CHD2: variants seen among roughly 807,000 people sequenced by gnomAD.
CHD2 encodes the protein chromodomain helicase DNA binding protein 2, also known as ATP-dependent chromatin remodeler CHD2.
A neutral mutation model predicts 243.9 loss-of-function variants in CHD2; 28 were observed. That is an observed-to-expected ratio of 0.11 (90% confidence interval 0.09 to 0.16). The LOEUF (loss-of-function observed/expected upper bound fraction) is 0.16, where lower values mean the gene tolerates loss of function less well. Among genes scored for constraint, CHD2 ranks in the 10% least tolerant of loss-of-function variants. The pLI, the probability that CHD2 is intolerant of heterozygous loss-of-function variation, is 1.00. For synonymous variants in CHD2, 775 were observed against 779.0 expected, an observed-to-expected ratio of 0.99 and a Z score of 0.09; for missense variants, 1,386 against 2,209.8, an observed-to-expected ratio of 0.63 and a Z score of 7.47.
Position 92,969,878 on chromosome 15 carries a change from C to A in CHD2, c.2190-1887C>A, listed in dbSNP as rs1326367685. ...CCAGGCTGGAGTGTAGTGGCACGAT[C>A]TCAGCTTACTGCAACAGGATTTTCT... On this transcript the variant is annotated intron_variant, in intron 17 of 38. Transcript: ENST00000394196. Among the ~76,000 whole-genome samples, 13 of 147,004 alleles carry A rather than the reference C, an allele frequency of 8.8e-5. No individual in the cohort carries two copies. The Admixed American group carries it at 8.9e-4, about 10-fold the overall frequency.
At chr15:92,928,233 C>G (rs77547235) in intron 4 of CHD2, among the ~76,000 whole-genome samples, 9,933 of 152,218 alleles carry the variant, frequency 0.065, 447 homozygotes, top group South Asian at 0.12. Context: ...AGCTGTTTTG[C>G]CTTTGCTTTT....
At position 92,900,670 on chromosome 15, in the gene CHD2, G is replaced by C. The variant is rs2052516238; in HGVS notation, c.-226G>C. 2.5e-6 allele frequency: 1 copy of C among 394,054 alleles called. No individual in the cohort carries two copies. The highest frequency in any genetic ancestry group is 4.5e-6 in the Non-Finnish European group (1 of 223,634). 24.4% of individuals were successfully genotyped at this position (394,054 alleles called of 1,614,324 possible). On this transcript the variant is annotated 5_prime_UTR_variant, in exon 1 of 39. Coordinates refer to ENST00000394196, the MANE Select transcript of CHD2 (RefSeq NM_001271.4). Reference sequence around the variant, plus strand: ...CGGACCTGTTTTAGTATTAATTATTGCTTTATTTTTTTGACCAGTTAACAT... The same window carrying C: ...CGGACCTGTTTTAGTATTAATTATTCCTTTATTTTTTTGACCAGTTAACAT...
intron 17 of CHD2, among the ~76,000 whole-genome samples, chr15:92,968,031 G>A (rs754653853): frequency 5.3e-5 from 8 of 151,888 alleles, no homozygotes; most frequent in Admixed American, 1.3e-4. Context: ...TGGGATCAAC[G>A]TAAGCTCCAT....
At chr15:92,972,943 G>A (rs1052232757) in intron 19 of CHD2, among the ~76,000 whole-genome samples, 4 of 152,030 alleles carry the variant, frequency 2.6e-5, no homozygotes, top group African/African-American at 9.7e-5. Context: ...ATGAGGAGAC[G>A]ATTCTTTTTT....
At position 92,939,595 on chromosome 15, in the gene CHD2, G is replaced by T. The variant is rs776934265; in HGVS notation, c.569G>T (p.Arg190Leu). Residue 190 changes from arginine to leucine, a missense_variant, in exon 7 of 39, where the codon CGT (arginine) becomes CTT (leucine). Coordinates refer to ENST00000394196, the MANE Select transcript of CHD2 (RefSeq NM_001271.4). ...PVPRRTVPKPRVKKQPKTQRG... is the reference protein window; with the variant it reads ...PVPRRTVPKPLVKKQPKTQRG... ...CATTTTAGAACAGTGCCCAAACCTC[G>T]TGTTAAAAAGCAGCCGAAGACTCAG... The T allele has an allele frequency of 6.2e-7, 1 of 1,613,798 alleles. No individual in the cohort carries two copies. Among genetic ancestry groups the T allele is most frequent in the Admixed American group, 1.7e-5 (1 of 59,922 alleles).
intron 5 of CHD2, among the ~76,000 whole-genome samples, chr15:92,931,439 G>GT (rs1271026862): frequency 6.6e-6 from 1 of 152,126 alleles, no homozygotes; most frequent in African/African-American, 2.4e-5. Flanking sequence ...GAGTGCAGTG[G>GT]TGCAACCTTG....
chr15:93,009,054 G>T, intron 34 of CHD2, 91 bp from the exon 35 acceptor site: 1 of 1,361,318 alleles, frequency 7.3e-7, no homozygotes, highest in South Asian at 1.4e-5. Flanking sequence ...GCATAGGGGT[G>T]GGCTGTGTTT....
chr15:92,989,532 C>G (rs977792223), intron 26 of CHD2, among the ~76,000 whole-genome samples: 4 of 152,168 alleles, frequency 2.6e-5, no homozygotes, highest in African/African-American at 9.7e-5. Context: ...TGATCCTTGT[C>G]ATGCTATGTG....
chr15:92,944,548 T>C, intron 10 of CHD2, 33 bp downstream of exon 10: 1 of 1,161,082 alleles, frequency 8.6e-7, no homozygotes, highest in Non-Finnish European at 1.2e-6. Flanking sequence ...CAGCCATATT[T>C]GAACTTGAGG....
intron 36 of CHD2, among the ~76,000 whole-genome samples, chr15:93,014,306 G>T (rs1263804509): frequency 6.6e-6 from 1 of 152,174 alleles, no homozygotes; most frequent in African/African-American, 2.4e-5. Flanking sequence ...ATAGGAGTTA[G>T]TTCCCACTGG....
At chr15:92,929,394 T>G (rs1390750867) in intron 5 of CHD2, among the ~76,000 whole-genome samples, 1 of 152,158 alleles carries the variant, frequency 6.6e-6, no homozygotes, top group East Asian at 1.9e-4. Context: ...CAGAAAAATA[T>G]GTATAAATAA....
rs951697000 is a variant in CHD2, at chr15:93,005,899, A to G, written c.4413+1148A>G. Among the ~76,000 whole-genome samples, 12 of 152,266 alleles carry G rather than the reference A, an allele frequency of 7.9e-5. No homozygotes were observed. In the South Asian group the frequency reaches 1.9e-3, roughly 24 times the overall value. ...AAGAGAAAATGATATCTAATGTTCT[A>G]TGGTACCATGATATTTAAAAAATGC... On this transcript the variant is annotated intron_variant, in intron 34 of 38. Transcript: ENST00000394196.
Position 92,998,400 on chromosome 15 carries a change from G to T in CHD2, c.3886-99G>T. The T allele has an allele frequency of 6.6e-7, 1 of 1,525,948 alleles. No individual in the cohort carries two copies. The highest frequency in any genetic ancestry group is 8.9e-7 in the Non-Finnish European group (1 of 1,127,460). The allele number at this position is 1,525,948 out of a possible 1,614,324, so 94.5% of individuals were successfully genotyped here. On this transcript the variant is annotated intron_variant, in intron 30 of 38. Transcript: ENST00000394196. The surrounding 1 kb of genome is among the most constrained non-coding windows in gnomAD (Gnocchi z 5.1). ...TATCTATATTTTGGGTGGTTGGGGAGGGAAAGGACTGTGCTCAGTTTTTGT... is the reference window on the plus strand; with the variant it reads ...TATCTATATTTTGGGTGGTTGGGGATGGAAAGGACTGTGCTCAGTTTTTGT...
intron 5 of CHD2, among the ~76,000 whole-genome samples, chr15:92,934,043 C>T (rs1395446455): frequency 1.3e-5 from 2 of 152,116 alleles, no homozygotes; most frequent in African/African-American, 4.8e-5. Flanking sequence ...CTACTGAAGA[C>T]TGAGGAAACA....
intron 16 of CHD2, among the ~76,000 whole-genome samples, chr15:92,960,471 T>C (rs896247792): frequency 6.6e-6 from 1 of 152,188 alleles, no homozygotes; most frequent in East Asian, 1.9e-4. Flanking sequence ...TGTGAGGTTT[T>C]AATAAAGAAT....
intron 19 of CHD2, among the ~76,000 whole-genome samples, chr15:92,974,324 T>C (rs971770696): frequency 6.6e-6 from 1 of 152,232 alleles, no homozygotes; most frequent in Non-Finnish European, 1.5e-5. Context: ...CACTTTACTA[T>C]GATTTCAGAG....
chr15:92,910,107 A>G (rs982156677), intron 2 of CHD2, among the ~76,000 whole-genome samples: 1 of 151,928 alleles, frequency 6.6e-6, no homozygotes, highest in African/African-American at 2.4e-5. Context: ...TCCAGGCTCA[A>G]GCAGTTCTCC....
rs2053850250 is a variant in CHD2 at position 92,972,183 on chromosome 15, T to C, written c.2353-82T>C. On this transcript the variant is annotated intron_variant, in intron 18 of 38. Coordinates refer to ENST00000394196, the MANE Select transcript of CHD2 (RefSeq NM_001271.4). ...GCTTCAGAAAGCTTTAAGATGATTT[T>C]TAAAATATGGATTTGTAGAGATTAG... The C allele has an allele frequency of 2.1e-6, 3 of 1,451,950 alleles. No individual in the cohort carries two copies. In the African/African-American group the frequency reaches 4.3e-5, roughly 21 times the overall value. The allele number at this position is 1,451,950 out of a possible 1,614,324, so 89.9% of individuals were successfully genotyped here. A position where few individuals can be genotyped will look rare whatever the true frequency, so the allele number is the denominator to read the frequency against.
chr15:92,904,370 G>C (rs1487583316), intron 2 of CHD2: 1 of 888,348 alleles, frequency 1.1e-6, no homozygotes, highest in Non-Finnish European at 1.4e-6. Context: ...GCCTTCGGCA[G>C]CCTCCGCCCC....
Sources: allele counts gnomAD v4.1 joint callset (sites outside exome capture counted in the v4.1 genomes callset), GRCh38; gene constraint gnomAD v4.1.1; non-coding constraint Gnocchi (gnomAD v3.1); transcripts MANE v1.5; gene names NCBI Gene and HGNC (gene_info 2026-07-23, HGNC 2026-07-21).